The following GRID2 variants were observed in gnomAD, a reference collection of about 807,000 sequenced individuals.
GRID2 encodes glutamate receptor ionotropic, delta-2.
A neutral mutation model predicts 114.8 loss-of-function variants in GRID2; 33 were observed. The observed-to-expected ratio is 0.29, with a 90% CI of 0.22 to 0.38. GRID2 has a LOEUF of 0.38. GRID2 is among the 10% of genes least tolerant of loss of function. The pLI is 1.00. For missense variants in GRID2, 1,184 were observed against 1,257.7 expected (o/e 0.94, Z 0.89); for synonymous variants, 505 against 449.9 (o/e 1.12, Z -1.55).
chr4:93,107,917 G>C (rs1197534486), intron 3 of GRID2, among the ~76,000 whole-genome samples: 1 of 152,104 alleles, frequency 6.6e-6, no homozygotes, highest in Non-Finnish European at 1.5e-5. Context: ...GATTAAAGCT[G>C]TATTTTGAAT....
intron 2 of GRID2, among the ~76,000 whole-genome samples, chr4:92,636,344 T>G (rs1470678631): frequency 2.0e-5 from 3 of 151,886 alleles, no homozygotes; most frequent in Non-Finnish European, 4.4e-5. Flanking sequence ...CTAAAATGTG[T>G]GCATTATCAC....
At chr4:93,550,870 T>C (rs1446435967) in intron 13 of GRID2, among the ~76,000 whole-genome samples, 1 of 152,200 alleles carries the variant, frequency 6.6e-6, no homozygotes, top group Non-Finnish European at 1.5e-5. Flanking sequence ...TAGTAATTTT[T>C]TCAAATTTTG....
chr4:92,482,963 TTGTA>T (rs1722689800), intron 1 of GRID2, among the ~76,000 whole-genome samples: 1 of 152,156 alleles, frequency 6.6e-6, no homozygotes, highest in African/African-American at 2.4e-5. Flanking sequence ...CAACATAGGA[TTGTA>T]TCCATACATG....
At chr4:92,629,100 G>A (rs774199822) in intron 2 of GRID2, among the ~76,000 whole-genome samples, 4 of 151,094 alleles carry the variant, frequency 2.6e-5, no homozygotes, top group East Asian at 1.9e-4. Context: ...TACAAAATAC[G>A]GAATAGTAAA....
At chr4:92,310,831 A>ACAGT (rs1725666033) in intron 1 of GRID2, among the ~76,000 whole-genome samples, 1 of 152,076 alleles carries the variant, frequency 6.6e-6, no homozygotes. Flanking sequence ...GAGAAGAGAT[A>ACAGT]CAGTCAAGTG....
intron 13 of GRID2, among the ~76,000 whole-genome samples, chr4:93,614,252 A>T (rs1391379041): frequency 2.6e-5 from 4 of 152,158 alleles, no homozygotes; most frequent in Admixed American, 2.0e-4. Context: ...TCAGATGGAA[A>T]TGCAGAAATC....
intron 13 of GRID2, among the ~76,000 whole-genome samples, chr4:93,595,020 C>T (rs139542706): frequency 5.3e-5 from 8 of 152,282 alleles, no homozygotes; most frequent in African/African-American, 9.6e-5. Context: ...TCTTCTGCAT[C>T]GCTCAGGCTG....
intron 8 of GRID2, among the ~76,000 whole-genome samples, chr4:93,238,885 A>T (rs1417997522): frequency 6.6e-6 from 1 of 151,516 alleles, no homozygotes; most frequent in Admixed American, 6.6e-5. Context: ...TAAGACAGAA[A>T]GTCTACTGCA....
intron 14 of GRID2, among the ~76,000 whole-genome samples, chr4:93,687,768 C>A (rs930604839): frequency 6.6e-6 from 1 of 151,786 alleles, no homozygotes; most frequent in Admixed American, 6.6e-5. Flanking sequence ...GTACAGACAG[C>A]TTTTTCAAGT....
At chr4:93,453,193 C>T (rs1322932110) in intron 10 of GRID2, among the ~76,000 whole-genome samples, 1 of 151,534 alleles carries the variant, frequency 6.6e-6, no homozygotes, top group African/African-American at 2.4e-5. Context: ...AGTGCAGCAC[C>T]TCTAATATAA....
intron 8 of GRID2, among the ~76,000 whole-genome samples, chr4:93,295,489 A>G (rs1301957577): frequency 6.6e-6 from 1 of 152,198 alleles, no homozygotes; most frequent in African/African-American, 2.4e-5. Flanking sequence ...AGATTAGGCA[A>G]ATCTGAAATC....
intron 2 of GRID2, among the ~76,000 whole-genome samples, chr4:92,700,594 C>G (rs529501489): frequency 6.6e-6 from 1 of 152,104 alleles, no homozygotes; most frequent in African/African-American, 2.4e-5. Context: ...TAAGCACCTA[C>G]TAGGTACAAA....
At chr4:92,333,312 T>C (rs775376008) in intron 1 of GRID2, among the ~76,000 whole-genome samples, 1 of 152,184 alleles carries the variant, frequency 6.6e-6, no homozygotes, top group Non-Finnish European at 1.5e-5. Flanking sequence ...AACACTGCAC[T>C]GGAATGTAGT....
intron 14 of GRID2, among the ~76,000 whole-genome samples, chr4:93,678,541 C>T (rs893302159): frequency 2.0e-5 from 3 of 152,140 alleles, no homozygotes; most frequent in Non-Finnish European, 4.4e-5. Context: ...GGTCCGGTTA[C>T]CCACAAAGGG....
intron 10 of GRID2, among the ~76,000 whole-genome samples, chr4:93,445,665 A>G (rs1722026867): frequency 6.6e-6 from 1 of 151,982 alleles, no homozygotes; most frequent in African/African-American, 2.4e-5. Flanking sequence ...CACATTTTTA[A>G]TACCTAAAAC....
At chr4:93,233,743 G>C (rs1011941998) in intron 7 of GRID2, among the ~76,000 whole-genome samples, 11 of 152,096 alleles carry the variant, frequency 7.2e-5, no homozygotes, top group Non-Finnish European at 7.4e-5. Flanking sequence ...CTGACTGCAT[G>C]ACAGAACACC....
chr4:92,814,217 G>A (rs112241410), intron 2 of GRID2, among the ~76,000 whole-genome samples: 8 of 152,192 alleles, frequency 5.3e-5, no homozygotes, highest in African/African-American at 1.9e-4. Flanking sequence ...TTTGATGTAT[G>A]TGGTAGTCAG....
At chr4:93,045,792 C>T (rs1432889404) in intron 2 of GRID2, among the ~76,000 whole-genome samples, 1 of 152,096 alleles carries the variant, frequency 6.6e-6, no homozygotes, top group African/African-American at 2.4e-5. Flanking sequence ...TTCTCTCACA[C>T]TTACTTTTCC....
chr4:92,497,016 T>C lies in GRID2; in HGVS notation c.89-93115T>C, dbSNP rs1723419603. On this transcript the variant is annotated intron_variant, in intron 1 of 15. Transcript: ENST00000282020. ...CATTTATCCCCTATTTTTTACCTTA[T>C]ATTTATATAAGAAAGTCATAAATCT... is the stretch of plus-strand genomic sequence containing the variant. Among the ~76,000 whole-genome samples the C allele has an allele frequency of 4.6e-5, 7 of 151,790 alleles. No individual in the cohort carries two copies. In the South Asian group the frequency reaches 1.5e-3, roughly 31 times the overall value.
Sources: gnomAD v4.1 joint callset for allele counts (sites outside exome capture counted in the v4.1 genomes callset) on GRCh38, gnomAD v4.1.1 for gene constraint, MANE v1.5 for transcripts, NCBI Gene and HGNC (gene_info 2026-07-23, HGNC 2026-07-21) for gene names.